SCOC: variants seen among roughly 807,000 people sequenced by gnomAD.
The protein encoded by SCOC is short coiled-coil protein, also known as short coiled coil protein.
SCOC carries 7 observed loss-of-function variants against 9.9 expected under a neutral mutation model. The ratio of observed to expected loss-of-function variants is 0.71; its 90% CI spans 0.40 to 1.33. SCOC has a LOEUF of 1.33. Ranked by LOEUF, SCOC falls within the 40% of genes most tolerant of loss-of-function variation. The pLI is 0.01. For missense variants in SCOC, 66 were observed against 89.7 expected (o/e 0.74, Z 1.07); for synonymous variants, 19 against 28.2 (o/e 0.67, Z 1.03).
chr4:140,363,761 G>T (rs1350035188), intron 2 of SCOC, among the ~76,000 whole-genome samples: 1 of 152,184 alleles, frequency 6.6e-6, no homozygotes, highest in South Asian at 2.1e-4. Flanking sequence ...ATCTCTGTGT[G>T]AGCAGTTCAT....
At chr4:140,307,794 T>C (rs933290210) in intron 1 of SCOC, among the ~76,000 whole-genome samples, 2 of 152,216 alleles carry the variant, frequency 1.3e-5, no homozygotes, top group Non-Finnish European at 2.9e-5. Flanking sequence ...TTAGGGATTG[T>C]ATGCCTTTAC....
At chr4:140,309,257 C>T (rs1287489976) in intron 1 of SCOC, among the ~76,000 whole-genome samples, 2 of 152,208 alleles carry the variant, frequency 1.3e-5, no homozygotes, top group African/African-American at 4.8e-5. Flanking sequence ...CAGTGACTTT[C>T]CATGACCCTG....
chr4:140,273,389 T>G (rs1325911903), intron 1 of SCOC, among the ~76,000 whole-genome samples: 5 of 152,246 alleles, frequency 3.3e-5, no homozygotes, highest in African/African-American at 1.2e-4. Flanking sequence ...AATTCATTTC[T>G]CTGTTTATAC....
intron 1 of SCOC, among the ~76,000 whole-genome samples, chr4:140,303,360 T>C (rs1339272235): frequency 6.6e-6 from 1 of 152,334 alleles, no homozygotes; most frequent in African/African-American, 2.4e-5. Flanking sequence ...ACCCCATCAA[T>C]TCAAAAAGAT....
intron 1 of SCOC, among the ~76,000 whole-genome samples, chr4:140,322,247 G>T (rs1200085930): frequency 1.3e-5 from 2 of 152,170 alleles, no homozygotes; most frequent in Non-Finnish European, 2.9e-5. Flanking sequence ...TGGGTGATGG[G>T]TAGAGGCTGA....
intron 1 of SCOC, among the ~76,000 whole-genome samples, chr4:140,259,983 C>T (rs115914561): frequency 4.3e-4 from 66 of 152,314 alleles, no homozygotes; most frequent in African/African-American, 1.5e-3. Context: ...CAAATCCTCC[C>T]CCATTCCTTG....
At chr4:140,264,118 G>A (rs1730687391) in intron 1 of SCOC, among the ~76,000 whole-genome samples, 1 of 152,120 alleles carries the variant, frequency 6.6e-6, no homozygotes, top group African/African-American at 2.4e-5. Flanking sequence ...TCCTGCCTCA[G>A]CCTCCTGAGT....
At chr4:140,353,968 T>C (rs1243633411) in intron 2 of SCOC, among the ~76,000 whole-genome samples, 3 of 152,264 alleles carry the variant, frequency 2.0e-5, no homozygotes, top group Non-Finnish European at 2.9e-5. Context: ...AGCACTTGCC[T>C]GCGCACATGC....
At chr4:140,257,915 T>C (rs1723888883) in intron 1 of SCOC, among the ~76,000 whole-genome samples, 1 of 152,222 alleles carries the variant, frequency 6.6e-6, no homozygotes, top group African/African-American at 2.4e-5. Context: ...CATATCAGTC[T>C]CTGCCTCTTG....
At chr4:140,358,622 A>C (rs949778535) in intron 2 of SCOC, among the ~76,000 whole-genome samples, 1 of 152,336 alleles carries the variant, frequency 6.6e-6, no homozygotes, top group Non-Finnish European at 1.5e-5. Context: ...CATTGAATTA[A>C]ATTCTTTCAT....
intron 1 of SCOC, chr4:140,293,489 C>T (rs1486316607): frequency 2.3e-6 from 1 of 430,942 alleles, no homozygotes; most frequent in African/African-American, 2.0e-5. Context: ...GGTCTGACAC[C>T]TACTAAGAAG....
intron 2 of SCOC, among the ~76,000 whole-genome samples, chr4:140,353,970 C>A (rs776432751): frequency 4.6e-5 from 7 of 152,212 alleles, no homozygotes; most frequent in Non-Finnish European, 2.9e-5. Context: ...CACTTGCCTG[C>A]GCACATGCGT....
In SCOC at chr4:140,373,727, G is replaced by T; in HGVS notation, c.-51+10G>T. 1 of 1,544,124 alleles carries T rather than the reference G, an allele frequency of 6.5e-7. No homozygotes were observed. The highest frequency in any genetic ancestry group is 8.7e-7 in the Non-Finnish European group (1 of 1,146,278). Reference sequence around the variant, plus strand: ...GCGCCTCAAGCGGAAGGTGAGGGCCGTCCCGGGCAGCGGAGGGCCTGGCCC... The same window carrying T: ...GCGCCTCAAGCGGAAGGTGAGGGCCTTCCCGGGCAGCGGAGGGCCTGGCCC... On this transcript the variant is annotated intron_variant, in intron 1 of 3. Transcript: ENST00000608372.
intron 1 of SCOC, chr4:140,284,358 G>C (rs915079057): frequency 6.6e-6 from 1 of 152,202 alleles, no homozygotes; most frequent in African/African-American, 2.4e-5. Flanking sequence ...AAGAATGCCA[G>C]TGTGATGAGG....
At chr4:140,346,549 T>C (rs1205932871) in intron 2 of SCOC, among the ~76,000 whole-genome samples, 2 of 152,204 alleles carry the variant, frequency 1.3e-5, no homozygotes, top group African/African-American at 2.4e-5. Context: ...TTGAGAAGGT[T>C]TGTTTGAGGA....
intron 1 of SCOC, among the ~76,000 whole-genome samples, chr4:140,287,568 A>G (rs548767220): frequency 6.6e-6 from 1 of 152,118 alleles, no homozygotes; most frequent in South Asian, 2.1e-4. Flanking sequence ...TGCCACACAG[A>G]CCATGCACAT....
At chr4:140,287,828 A>T (rs757190071) in intron 1 of SCOC, among the ~76,000 whole-genome samples, 11 of 152,034 alleles carry the variant, frequency 7.2e-5, no homozygotes, top group Non-Finnish European at 1.0e-4. Flanking sequence ...ACACATAGAC[A>T]CACACTATGC....
chr4:140,276,702 C>T (rs1486824808), intron 1 of SCOC, among the ~76,000 whole-genome samples: 1 of 150,696 alleles, frequency 6.6e-6, no homozygotes, highest in Non-Finnish European at 1.5e-5. Context: ...GGTGATCCAC[C>T]TGTCTCAGCC....
chr4:140,260,554 C>T (rs1310559102), intron 1 of SCOC, among the ~76,000 whole-genome samples: 1 of 152,182 alleles, frequency 6.6e-6, no homozygotes. Flanking sequence ...GTATTTTGGG[C>T]AATTGAGTCT....
Sources: allele counts gnomAD v4.1 joint callset (sites outside exome capture counted in the v4.1 genomes callset), GRCh38; gene constraint gnomAD v4.1.1; transcripts MANE v1.5; gene names NCBI Gene and HGNC (gene_info 2026-07-23, HGNC 2026-07-21).